ARRB2: variants seen among roughly 807,000 people sequenced by gnomAD.
ARRB2 encodes arrestin beta 2, also known as beta-arrestin-2.
ARRB2 carries 21 observed loss-of-function variants against 53.4 expected under a neutral mutation model. The observed-to-expected ratio is 0.39, with a 90% CI of 0.28 to 0.57. The LOEUF (loss-of-function observed/expected upper bound fraction) is 0.57. Ranked by LOEUF, ARRB2 falls within the 20% of genes least tolerant of loss-of-function variation. The pLI, the probability that ARRB2 is intolerant of heterozygous loss-of-function variation, is 0.55. For missense variants in ARRB2, 369 were observed against 527.5 expected (o/e 0.70, Z 2.94); for synonymous variants, 180 against 212.9 (o/e 0.85, Z 1.34).
At chr17:4,715,568 GACACACAC>G in intron 2 of ARRB2, 1 of 219,944 alleles carries the variant, frequency 4.5e-6, no homozygotes, top group Non-Finnish European at 8.9e-6. Flanking sequence ...CACACACACG[GACACACAC>G]ACACACACAC....
Position 4,717,174 on chromosome 17 carries a change from G to A in ARRB2, c.358-43G>A, listed in dbSNP as rs756254997. The A allele has an allele frequency of 5.6e-6, 9 of 1,597,888 alleles. No homozygotes were observed. In the South Asian group the frequency reaches 9.9e-5, roughly 18 times the overall value. ...GTTGAGATTTGGAGGAAGATCTGGG[G>A]GCTTTCTGGAAGAACTGAAGTCTTC... On this transcript the variant is annotated intron_variant, in intron 5 of 14. Transcript: ENST00000269260. This position sits in a 1 kb window ranked among gnomAD's most constrained non-coding sequence, Gnocchi z 6.0.
Position 4,721,489 on chromosome 17 carries a change from T to C in ARRB2, c.*450T>C, listed in dbSNP as rs1915687702. On this transcript the variant is annotated 3_prime_UTR_variant, in exon 15 of 15. Transcript: ENST00000269260. This position sits in a 1 kb window ranked among gnomAD's most constrained non-coding sequence, Gnocchi z 4.2. Reference sequence around the variant, plus strand: ...AGCATAAAGAAGAAAATAAATCTTTTACTAAGCATGAGTGTGTGTTTTCTC... The same window carrying C: ...AGCATAAAGAAGAAAATAAATCTTTCACTAAGCATGAGTGTGTGTTTTCTC... The C allele has an allele frequency of 2.9e-6, 1 of 340,620 alleles. No individual in the cohort carries two copies. Among genetic ancestry groups the C allele is most frequent in the African/African-American group, 2.1e-5 (1 of 47,500 alleles). 21.1% of individuals were successfully genotyped at this position (340,620 alleles called of 1,614,324 possible).
intron 1 of ARRB2, chr17:4,714,770 T>C: frequency 1.0e-5 from 2 of 191,432 alleles, no homozygotes; most frequent in Non-Finnish European, 1.8e-5. Flanking sequence ...AGGGTTCCCC[T>C]TGCCACCACG....
At chr17:4,716,894 G>A in intron 5 of ARRB2, 2 of 626,180 alleles carry the variant, frequency 3.2e-6, no homozygotes, top group Middle Eastern at 4.3e-4. Context: ...GAGTGCAGTG[G>A]CACAATCTTG....
intron 1 of ARRB2, among the ~76,000 whole-genome samples, chr17:4,714,245 A>T (rs1034841626): frequency 6.6e-6 from 1 of 152,350 alleles, no homozygotes; most frequent in African/African-American, 2.4e-5. Context: ...AGCTTCCTAA[A>T]GGCTGGGCCT....
intron 3 of ARRB2, 49 bp from the exon 4 acceptor site, chr17:4,716,098 A>C (rs376337984): frequency 6.2e-7 from 1 of 1,614,058 alleles, no homozygotes; most frequent in African/African-American, 1.3e-5. Flanking sequence ...GGCCCAGGAA[A>C]GCGGGGAGCG....
Position 4,717,419 on chromosome 17 carries a change from G to A in ARRB2, c.417+143G>A, listed in dbSNP as rs888151980. Reference sequence around the variant, plus strand: ...CCAGTGTCCCCCGTGGAAGTGGGGCGTATGTGGTGGTCATTGTGCACGCAT... The same window carrying A: ...CCAGTGTCCCCCGTGGAAGTGGGGCATATGTGGTGGTCATTGTGCACGCAT... On this transcript the variant is annotated intron_variant, in intron 6 of 14. Transcript: ENST00000269260. The surrounding 1 kb of genome is among the most constrained non-coding windows in gnomAD (Gnocchi z 6.0). The A allele has an allele frequency of 2.8e-5, 30 of 1,064,110 alleles. No homozygotes were observed. The highest frequency in any genetic ancestry group is 2.6e-5 in the Non-Finnish European group (18 of 700,946). The allele number at this position is 1,064,110 out of a possible 1,614,324, so 65.9% of individuals were successfully genotyped here.
chr17:4,714,289 C>T (rs1254357738), intron 1 of ARRB2, among the ~76,000 whole-genome samples: 1 of 152,156 alleles, frequency 6.6e-6, no homozygotes, highest in Non-Finnish European at 1.5e-5. Context: ...CTCTTGAGGT[C>T]GGAGTTGGGG....
chr17:4,718,395 A>G (rs764370768), intron 9 of ARRB2, 50 bp downstream of exon 9: 69 of 1,561,246 alleles, frequency 4.4e-5, no homozygotes, highest in South Asian at 3.4e-5. Context: ...GTTACTGCAC[A>G]GGTGGCTCCT....
chr17:4,714,802 C>T lies in ARRB2; in HGVS notation c.24-211C>T, dbSNP rs566225167. The T allele has an allele frequency of 8.3e-4, 301 of 364,108 alleles. 3 individuals carry two copies. The highest frequency in any genetic ancestry group is 9.4e-4 in the Non-Finnish European group (194 of 205,302). 22.6% of individuals were successfully genotyped at this position (364,108 alleles called of 1,614,324 possible). On this transcript the variant is annotated intron_variant, in intron 1 of 14. Transcript: ENST00000269260. ...CACGTTAGAAATAGGAAGGACCTTC[C>T]GGGAAGAAGGGTTCCCCTTGCCACC...
In ARRB2 at chr17:4,718,619, G is replaced by A. The variant is rs1481171899; in HGVS notation, c.714G>A (p.Gln238=). 1.9e-6 allele frequency: 3 copies of A among 1,613,376 alleles called. No homozygotes were observed. Among genetic ancestry groups the A allele is most frequent in the South Asian group, 1.1e-5 (1 of 91,082 alleles). Residue 238 remains glutamine, a synonymous_variant, in exon 10 of 15, where the codon CAG becomes CAA. Coordinates refer to ENST00000269260, the MANE Select transcript of ARRB2 (RefSeq NM_004313.4). ...TVKKIKVSVR[Q]YADICLFSTA... is the part of the protein sequence containing the mutation. ...CCCCGTCCCACCCCACAGTGAGACA[G>A]TACGCCGACATCTGCCTCTTCAGCA...
chr17:4,719,163 G>C, intron 10 of ARRB2, 120 bp from the exon 11 acceptor site: 1 of 1,269,412 alleles, frequency 7.9e-7, no homozygotes, highest in South Asian at 1.5e-5. Flanking sequence ...CTACTCCCTT[G>C]TGACCTGTGC....
chr17:4,716,297 C>T (rs1228912831), intron 4 of ARRB2, 106 bp downstream of exon 4: 6 of 1,606,924 alleles, frequency 3.7e-6, no homozygotes, highest in Non-Finnish European at 5.1e-6. Context: ...GAGGTGGAAG[C>T]CAGGAGTAGG....
rs1915330498 is a variant in ARRB2, at chr17:4,718,623, G to A, written c.718G>A (p.Ala240Thr). Residue 240 changes from alanine to threonine, a missense_variant, in exon 10 of 15, where the codon GCC becomes ACC. Ala to Thr is a moderately conservative substitution (Grantham distance 58). Coordinates refer to ENST00000269260, the MANE Select transcript of ARRB2 (RefSeq NM_004313.4). ...KKIKVSVRQYADICLFSTAQY... is the reference protein window; with the variant it reads ...KKIKVSVRQYTDICLFSTAQY... The stretch of plus-strand genomic sequence containing the variant: ...GTCCCACCCCACAGTGAGACAGTAC[G>A]CCGACATCTGCCTCTTCAGCACCGC... 4.3e-6 allele frequency: 7 copies of A among 1,613,434 alleles called. No homozygotes were observed. The highest frequency in any genetic ancestry group is 2.7e-5 in the African/African-American group (2 of 74,890).
At chr17:4,719,668 C>T (rs961113145) in intron 11 of ARRB2, among the ~76,000 whole-genome samples, 1 of 152,006 alleles carries the variant, frequency 6.6e-6, no homozygotes, top group Non-Finnish European at 1.5e-5. Context: ...AAGGTGAATT[C>T]GGAGTAAGGA....
In ARRB2 at chr17:4,720,373, A is replaced by C. The variant is rs1171604410; in HGVS notation, c.1002-20A>C. The C allele has an allele frequency of 1.1e-5, 18 of 1,613,254 alleles. No individual in the cohort carries two copies. The highest frequency in any genetic ancestry group is 1.4e-5 in the Non-Finnish European group (17 of 1,179,776). ...GTCCCATGTCGTCGTCCTCTTCACG[A>C]TGCCTCTCCCCTTCCCCAGGGATGT... On this transcript the variant is annotated intron_variant, in intron 12 of 14. Transcript: ENST00000269260.
Position 4,717,014 on chromosome 17 carries a change from A to G in ARRB2, c.358-203A>G. On this transcript the variant is annotated intron_variant, in intron 5 of 14. Coordinates refer to ENST00000269260, the MANE Select transcript of ARRB2 (RefSeq NM_004313.4). This position sits in a 1 kb window ranked among gnomAD's most constrained non-coding sequence, Gnocchi z 6.0. ...CACACACGACTAATTTTGTATTTTT[A>G]GTAGTGATGGGGTTTTGCCACGTTG... is the stretch of plus-strand genomic sequence containing the variant. The G allele has an allele frequency of 1.6e-6, 1 of 616,022 alleles. No individual in the cohort carries two copies. The allele number at this position is 616,022 out of a possible 1,614,324, so 38.2% of individuals were successfully genotyped here.
At chr17:4,718,139 A>C (rs376297679) in intron 8 of ARRB2, 116 bp downstream of exon 8, 2 of 1,561,548 alleles carry the variant, frequency 1.3e-6, no homozygotes, top group South Asian at 2.3e-5. Context: ...GGGTGTGGAC[A>C]GTTGCCGTGG....
chr17:4,716,853 G>C, intron 5 of ARRB2: 1 of 729,758 alleles, frequency 1.4e-6, no homozygotes, highest in South Asian at 2.0e-5. Flanking sequence ...TGTTGTTGTT[G>C]AGACAAAGTC....
Sources: gnomAD v4.1 joint callset for allele counts (sites outside exome capture counted in the v4.1 genomes callset) on GRCh38, gnomAD v4.1.1 for gene constraint, Gnocchi (gnomAD v3.1) non-coding constraint, MANE v1.5 for transcripts, NCBI Gene and HGNC (gene_info 2026-07-23, HGNC 2026-07-21) for gene names.